Variants in SCN2A observed in about 807,000 individuals in gnomAD.
SCN2A encodes the protein sodium channel protein type 2 subunit alpha.
SCN2A carries 20 observed loss-of-function variants against 188.7 expected under a neutral mutation model. That is an observed-to-expected ratio of 0.11 (90% CI 0.07 to 0.15). The LOEUF is 0.15. Ranked by LOEUF, SCN2A falls within the 10% of genes least tolerant of loss-of-function variation. The pLI is 1.00. For missense variants in SCN2A, 1,278 were observed against 2,445.0 expected (o/e 0.52, Z 10.07); for synonymous variants, 804 against 833.1 (o/e 0.97, Z 0.60).
rs1701228935 is a variant in SCN2A at position 165,374,874 on chromosome 2, G to A, written c.4162G>A (p.Ala1388Thr). 2 of 1,613,560 alleles carry A rather than the reference G, an allele frequency of 1.2e-6. No individual in the cohort carries two copies. The highest frequency in any genetic ancestry group is 1.3e-5 in the African/African-American group (1 of 75,018). ...SVVNNYSECKALIESNQTARW... is the reference protein window; with the variant it reads ...SVVNNYSECKTLIESNQTARW... Reference sequence around the variant, plus strand: ...GGTCAACAACTACAGTGAGTGCAAAGCTCTCATTGAGAGCAATCAAACTGC... The same window carrying A: ...GGTCAACAACTACAGTGAGTGCAAAACTCTCATTGAGAGCAATCAAACTGC... Residue 1388 changes from alanine (A) to threonine (T), a missense_variant, in exon 22 of 27, where the codon GCT (alanine) becomes ACT (threonine). Transcript: ENST00000375437.
chr2:165,274,442 G>A (rs1395020322), intron 1 of SCN2A: 2 of 151,512 alleles, frequency 1.3e-5, no homozygotes, highest in Admixed American at 6.6e-5. Context: ...GTGGTTATTT[G>A]TTCTCTGTAA....
chr2:165,310,694 CT>C, intron 7 of SCN2A, 99 bp downstream of exon 7: 1 of 834,984 alleles, frequency 1.2e-6, no homozygotes, highest in Non-Finnish European at 1.8e-6. Context: ...AATCAAGTGA[CT>C]TAGACTAATT....
At chr2:165,285,220 G>A (rs1241344450) in intron 1 of SCN2A, 3 of 153,272 alleles carry the variant, frequency 2.0e-5, no homozygotes, top group Admixed American at 1.3e-4. Flanking sequence ...AGGGCTGGGT[G>A]TGGGCAGTAG....
chr2:165,355,420 G>A lies in SCN2A; in HGVS notation c.3399+749G>A, dbSNP rs149683988. On this transcript the variant is annotated intron_variant, in intron 17 of 26. Coordinates refer to ENST00000375437, the MANE Select transcript of SCN2A (RefSeq NM_001040142.2). ...AGCAACAGAATATATTTTTTGTTTT[G>A]TTTGCTATTAACCTGTTGCTCAATA... Among the ~76,000 whole-genome samples the A allele has an allele frequency of 5.9e-3, 891 of 152,194 alleles. 8 individuals carry two copies. The highest frequency in any genetic ancestry group is 0.02 in the African/African-American group (842 of 41,522).
intron 1 of SCN2A, among the ~76,000 whole-genome samples, chr2:165,262,625 A>C (rs1458350698): frequency 6.6e-6 from 1 of 151,864 alleles, no homozygotes; most frequent in East Asian, 1.9e-4. Flanking sequence ...CACATAGAAT[A>C]ATATATATAT....
At chr2:165,240,333 G>A (rs1307079674) in intron 1 of SCN2A, among the ~76,000 whole-genome samples, 1 of 152,008 alleles carries the variant, frequency 6.6e-6, no homozygotes, top group East Asian at 1.9e-4. Context: ...TAGAACCGTG[G>A]CCATTTTAAA....
intron 1 of SCN2A, among the ~76,000 whole-genome samples, chr2:165,265,270 A>G (rs191459031): frequency 6.6e-6 from 1 of 151,108 alleles, no homozygotes; most frequent in East Asian, 1.9e-4. Flanking sequence ...CAACATATAT[A>G]TTGTTGGCCA....
At chr2:165,355,168 G>T (rs989242015) in intron 17 of SCN2A, among the ~76,000 whole-genome samples, 4 of 152,142 alleles carry the variant, frequency 2.6e-5, no homozygotes, top group Admixed American at 2.6e-4. Context: ...TGGGATCTTG[G>T]CTTGATATTT....
intron 16 of SCN2A, among the ~76,000 whole-genome samples, chr2:165,348,384 C>T: frequency 6.9e-6 from 1 of 144,512 alleles, no homozygotes. Flanking sequence ...AAAGCATATA[C>T]TCTTTAGACA....
intron 13 of SCN2A, chr2:165,327,810 CAT>C (rs1698441428): frequency 6.6e-6 from 1 of 152,184 alleles, no homozygotes; most frequent in South Asian, 2.1e-4. Context: ...TGTTAATTCA[CAT>C]GTTTTTGCCT....
At position 165,380,701 on chromosome 2, in the gene SCN2A, T is replaced by C. The variant is rs1085307898; in HGVS notation, c.4418T>C (p.Ile1473Thr). The change falls in exon 24 of 27, where the codon ATA becomes ACA. Residue 1473 changes from isoleucine (I) to threonine (T), a missense_variant. Coordinates refer to ENST00000375437, the MANE Select transcript of SCN2A (RefSeq NM_001040142.2). ...FTLNLFIGVIIDNFNQQKKKF... is the reference protein window; with the variant it reads ...FTLNLFIGVITDNFNQQKKKF... ...TTGAATCTTTTCATTGGTGTCATCA[T>C]AGATAACTTCAACCAACAGAAAAAG... 1 of 1,589,410 alleles carries C rather than the reference T, an allele frequency of 6.3e-7. No homozygotes were observed. Among genetic ancestry groups the C allele is most frequent in the Non-Finnish European group, 8.6e-7 (1 of 1,160,144 alleles).
chr2:165,373,526 T>C (rs1024056916), intron 21 of SCN2A, among the ~76,000 whole-genome samples, 179 bp downstream of exon 21: 1 of 152,156 alleles, frequency 6.6e-6, no homozygotes, highest in African/African-American at 2.4e-5. Context: ...CTGGAGTCAC[T>C]CACAGAGTAG....
At chr2:165,373,116 T>C in intron 20 of SCN2A, 109 bp from the exon 21 acceptor site, 1 of 1,232,452 alleles carries the variant, frequency 8.1e-7, no homozygotes, top group Middle Eastern at 2.0e-4. Context: ...TGGGTGATTT[T>C]GAAACTCATG....
chr2:165,378,443 G>C lies in SCN2A; in HGVS notation c.4308+793G>C, dbSNP rs373904918. Among the ~76,000 whole-genome samples, 38 of 151,378 alleles carry C rather than the reference G, an allele frequency of 2.5e-4. No homozygotes were observed. The East Asian group carries it at 7.4e-3, about 29-fold the overall frequency. On this transcript the variant is annotated intron_variant, in intron 23 of 26. Transcript: ENST00000375437. ...GGAATTCCAGTTATGAGATTTTTCTGAATAGTAATAATAATTTATTGATTA... is the reference window on the plus strand; with the variant it reads ...GGAATTCCAGTTATGAGATTTTTCTCAATAGTAATAATAATTTATTGATTA...
intron 3 of SCN2A, among the ~76,000 whole-genome samples, chr2:165,304,891 T>C (rs1036093936): frequency 6.6e-6 from 1 of 152,162 alleles, no homozygotes; most frequent in Non-Finnish European, 1.5e-5. Flanking sequence ...CTAAGAGTAA[T>C]AGAAAGCTAC....
chr2:165,373,392 C>A (rs371615528), intron 21 of SCN2A, 45 bp downstream of exon 21: 8 of 1,605,928 alleles, frequency 5.0e-6, no homozygotes, highest in East Asian at 4.5e-5. Flanking sequence ...TTATTGAGAG[C>A]AGACTGACAC....
chr2:165,244,371 T>C (rs1436674982), intron 1 of SCN2A, among the ~76,000 whole-genome samples: 1 of 152,036 alleles, frequency 6.6e-6, no homozygotes. Flanking sequence ...TGGAGGTCAG[T>C]GGAAGGAGAG....
intron 20 of SCN2A, 73 bp from the exon 21 acceptor site, chr2:165,373,152 G>T (rs1323401419): frequency 7.3e-6 from 11 of 1,513,284 alleles, no homozygotes; most frequent in Non-Finnish European, 8.3e-6. Context: ...CTGATTCATT[G>T]CATAGAGCAA....
chr2:165,383,186 A>T (rs1026802033), intron 25 of SCN2A, among the ~76,000 whole-genome samples: 1 of 152,140 alleles, frequency 6.6e-6, no homozygotes, highest in African/African-American at 2.4e-5. Context: ...TCCTGCCAAA[A>T]AATGGAAGTA....
Sources: allele counts gnomAD v4.1 joint callset (sites outside exome capture counted in the v4.1 genomes callset), GRCh38; gene constraint gnomAD v4.1.1; transcripts MANE v1.5; gene names NCBI Gene and HGNC (gene_info 2026-07-23, HGNC 2026-07-21).